DAAM2: variants seen among roughly 807,000 people sequenced by gnomAD.
The protein encoded by DAAM2 is dishevelled associated activator of morphogenesis 2, also known as disheveled-associated activator of morphogenesis 2.
A neutral mutation model predicts 120.7 loss-of-function variants in DAAM2; 39 were observed. The observed-to-expected ratio is 0.32, with a 90% confidence interval of 0.25 to 0.42. The LOEUF (loss-of-function observed/expected upper bound fraction) is 0.42, where lower values mean the gene tolerates loss of function less well. DAAM2 is among the 10% of genes least tolerant of loss of function. DAAM2 has a pLI of 1.00. For synonymous variants in DAAM2, 488 were observed against 524.9 expected (o/e 0.93, Z 0.96); for missense variants, 1,283 against 1,401.7 (o/e 0.92, Z 1.35).
At chr6:39,893,122 AC>A (rs1765836531) in intron 19 of DAAM2, among the ~76,000 whole-genome samples, 2 of 152,378 alleles carry the variant, frequency 1.3e-5, no homozygotes, top group South Asian at 4.1e-4. Context: ...GGTCAGTGGA[AC>A]AAATGTGAGC....
intron 2 of DAAM2, 131 bp from the exon 3 acceptor site, chr6:39,860,797 A>T: frequency 1.3e-6 from 1 of 745,800 alleles, no homozygotes; most frequent in East Asian, 2.7e-5. Flanking sequence ...CATATCTTTG[A>T]TGCTCTTCGG....
chr6:39,879,876 A>G, intron 14 of DAAM2: 1 of 303,756 alleles, frequency 3.3e-6, no homozygotes, highest in Non-Finnish European at 6.3e-6. Flanking sequence ...ATGTATACAA[A>G]GGACTAAAGA....
At chr6:39,810,573 G>T (rs184608166) in intron 1 of DAAM2, among the ~76,000 whole-genome samples, 328 of 152,104 alleles carry the variant, frequency 2.2e-3, no homozygotes, top group Admixed American at 3.5e-3. Flanking sequence ...ACACCCACTT[G>T]CCCCACCCCA....
chr6:39,842,681 A>G (rs1763395089), intron 1 of DAAM2, among the ~76,000 whole-genome samples: 1 of 152,180 alleles, frequency 6.6e-6, no homozygotes, highest in Non-Finnish European at 1.5e-5. Flanking sequence ...AAGATATTAA[A>G]TAACGTATGT....
chr6:39,864,973 C>A lies in DAAM2; in HGVS notation c.334-7C>A. The A allele has an allele frequency of 6.3e-7, 1 of 1,596,362 alleles. No individual in the cohort carries two copies. The stretch of plus-strand genomic sequence containing the variant: ...CAGGCAGCCCCTTTCTACCTGCTGG[C>A]CCTCAGATGCAGAGTCTGTACGCGT... On this transcript the variant is annotated splice_polypyrimidine_tract_variant and splice_region_variant and intron_variant, in intron 4 of 24. Coordinates refer to ENST00000274867, the MANE Select transcript of DAAM2 (RefSeq NM_001201427.2).
At chr6:39,804,750 A>G (rs1200138854) in intron 1 of DAAM2, among the ~76,000 whole-genome samples, 2 of 152,230 alleles carry the variant, frequency 1.3e-5, no homozygotes, top group African/African-American at 4.8e-5. Flanking sequence ...TGACAGTAAT[A>G]CTGGTGGTAC....
intron 1 of DAAM2, among the ~76,000 whole-genome samples, chr6:39,812,306 C>T (rs1046420405): frequency 4.6e-5 from 7 of 152,198 alleles, no homozygotes; most frequent in African/African-American, 1.2e-4. Flanking sequence ...TAAGCCCTTG[C>T]ACATTTCAAC....
Position 39,903,836 on chromosome 6 carries a change from T to A in DAAM2, c.*1799T>A, listed in dbSNP as rs1766627233. On this transcript the variant is annotated 3_prime_UTR_variant, in exon 25 of 25. Coordinates refer to ENST00000274867, the MANE Select transcript of DAAM2 (RefSeq NM_001201427.2). ...TGTGTGTGTGTTCTGGTGGGAGGGA[T>A]CTGAGCAAGTGCAAGCCTGGCTGAC... 1 of 244,944 alleles carries A rather than the reference T, an allele frequency of 4.1e-6. No homozygotes were observed. Among genetic ancestry groups the A allele is most frequent in the Non-Finnish European group, 8.0e-6 (1 of 125,176 alleles). The allele number at this position is 244,944 out of a possible 1,614,324, so 15.2% of individuals were successfully genotyped here.
intron 15 of DAAM2, chr6:39,884,385 T>C (rs186592687): frequency 4.1e-6 from 1 of 243,066 alleles, no homozygotes; most frequent in African/African-American, 2.2e-5. Flanking sequence ...TCCATTTCTC[T>C]CTTCCATCCT....
At chr6:39,900,023 A>G (rs1285137181) in intron 22 of DAAM2, 54 bp from the exon 23 acceptor site, 7 of 1,562,446 alleles carry the variant, frequency 4.5e-6, no homozygotes, top group Non-Finnish European at 6.1e-6. Context: ...TGACCCCTGC[A>G]CCCGACTCTC....
chr6:39,864,906 C>T lies in DAAM2; in HGVS notation c.334-74C>T, dbSNP rs554462066. ...CTCACCCTTTCTGAGGCAAGCATGGCCCCTGGGTCACACCTGAGCTGTAGT... is the reference window on the plus strand; with the variant it reads ...CTCACCCTTTCTGAGGCAAGCATGGTCCCTGGGTCACACCTGAGCTGTAGT... On this transcript the variant is annotated intron_variant, in intron 4 of 24. Coordinates refer to ENST00000274867, the MANE Select transcript of DAAM2 (RefSeq NM_001201427.2). 5.8e-6 allele frequency: 9 copies of T among 1,541,862 alleles called. No individual in the cohort carries two copies. The South Asian group carries it at 9.6e-5, about 16-fold the overall frequency.
In DAAM2 at chr6:39,828,933, T is replaced by C. The variant is rs138267261; in HGVS notation, c.-56-27314T>C. Among the ~76,000 whole-genome samples the C allele has an allele frequency of 4.3e-3, 656 of 152,320 alleles. 2 individuals are homozygous for C. Among genetic ancestry groups the C allele is most frequent in the African/African-American group, 0.015 (623 of 41,566 alleles). On this transcript the variant is annotated intron_variant, in intron 1 of 24. Coordinates refer to ENST00000274867, the MANE Select transcript of DAAM2 (RefSeq NM_001201427.2). ...GCAACAAAGATTAAGTTTCAACATA[T>C]GCATTTTGGAGGGAACACAGACATG...
intron 2 of DAAM2, among the ~76,000 whole-genome samples, chr6:39,857,840 T>C (rs796402849): frequency 5.3e-5 from 8 of 152,028 alleles, no homozygotes; most frequent in African/African-American, 1.9e-4. Context: ...GTCCTAGGGA[T>C]GTAGAGATGA....
chr6:39,813,546 G>A (rs1762225623), intron 1 of DAAM2, among the ~76,000 whole-genome samples: 1 of 152,000 alleles, frequency 6.6e-6, no homozygotes, highest in Non-Finnish European at 1.5e-5. Flanking sequence ...GCTTTAGGAG[G>A]ATATGAAGTT....
chr6:39,820,887 G>A (rs1321458467), intron 1 of DAAM2: 1 of 152,214 alleles, frequency 6.6e-6, no homozygotes, highest in Non-Finnish European at 1.5e-5. Context: ...TGTGTACATA[G>A]CAAATAATTA....
chr6:39,860,667 G>A (rs1178139360), intron 2 of DAAM2, among the ~76,000 whole-genome samples: 2 of 152,208 alleles, frequency 1.3e-5, no homozygotes, highest in African/African-American at 4.8e-5. Context: ...CAGGAGGGTG[G>A]ATTTGCAGAG....
intron 1 of DAAM2, among the ~76,000 whole-genome samples, chr6:39,823,554 G>A (rs1032194575): frequency 3.9e-5 from 6 of 152,120 alleles, no homozygotes; most frequent in East Asian, 1.9e-4. Flanking sequence ...GACTTGTGCC[G>A]GGAAGGGGGA....
chr6:39,861,988 T>A (rs1764231057), intron 3 of DAAM2: 1 of 152,178 alleles, frequency 6.6e-6, no homozygotes, highest in Admixed American at 6.5e-5. Flanking sequence ...CATTCCGAGG[T>A]CTCCACACTG....
At chr6:39,874,345 A>G (rs1423040630) in intron 10 of DAAM2, among the ~76,000 whole-genome samples, 3 of 152,200 alleles carry the variant, frequency 2.0e-5, no homozygotes, top group African/African-American at 7.2e-5. Context: ...CAACTTTGCA[A>G]TGCATGTGTC....
Sources: allele counts gnomAD v4.1 joint callset (sites outside exome capture counted in the v4.1 genomes callset), GRCh38; gene constraint gnomAD v4.1.1; transcripts MANE v1.5; gene names NCBI Gene and HGNC (gene_info 2026-07-23, HGNC 2026-07-21).